The following KLHL3 variants were observed in gnomAD, a reference collection of about 807,000 sequenced individuals.
The protein encoded by KLHL3 is kelch-like protein 3.
KLHL3 carries 19 observed loss-of-function variants against 70.5 expected under a neutral mutation model. That is an observed-to-expected ratio of 0.27 (90% confidence interval 0.19 to 0.40). KLHL3 has a LOEUF of 0.40. KLHL3 is among the 10% of genes least tolerant of loss of function. KLHL3 has a pLI of 1.00. For missense variants in KLHL3, 512 were observed against 771.1 expected (o/e 0.66, Z 3.98); for synonymous variants, 258 against 290.3 (o/e 0.89, Z 1.13).
intron 5 of KLHL3, among the ~76,000 whole-genome samples, chr5:137,679,883 A>G (rs892526673): frequency 6.6e-6 from 1 of 152,254 alleles, no homozygotes; most frequent in Admixed American, 6.5e-5. Context: ...GCTGGCACCC[A>G]GGGATCTGTG....
intron 4 of KLHL3, among the ~76,000 whole-genome samples, chr5:137,693,260 A>T (rs900178796): frequency 2.0e-5 from 3 of 152,226 alleles, no homozygotes. Flanking sequence ...GATACAAAGC[A>T]AAGAACATCT....
chr5:137,674,507 C>G (rs1316557959), intron 6 of KLHL3, among the ~76,000 whole-genome samples: 1 of 152,180 alleles, frequency 6.6e-6, no homozygotes, highest in Non-Finnish European at 1.5e-5. Context: ...TACATTTCCT[C>G]TATTTTAAGG....
intron 2 of KLHL3, among the ~76,000 whole-genome samples, chr5:137,717,989 C>T (rs1405206593): frequency 6.6e-6 from 1 of 152,288 alleles, no homozygotes; most frequent in East Asian, 1.9e-4. Context: ...CCACCAAAGG[C>T]GGCTCTATAG....
chr5:137,703,889 T>A (rs1418804257), intron 3 of KLHL3, among the ~76,000 whole-genome samples: 19 of 145,012 alleles, frequency 1.3e-4, no homozygotes, highest in Non-Finnish European at 2.6e-4. Context: ...AAAAAAAAAA[T>A]CAACCCTAAT....
chr5:137,642,233 GTTTTA>G (rs1750929410), intron 8 of KLHL3, among the ~76,000 whole-genome samples: 1 of 152,206 alleles, frequency 6.6e-6, no homozygotes, highest in African/African-American at 2.4e-5. Flanking sequence ...AATAAAAGCA[GTTTTA>G]AGTTTTCTTT....
At chr5:137,680,554 T>C (rs1479859336) in intron 5 of KLHL3, among the ~76,000 whole-genome samples, 2 of 151,982 alleles carry the variant, frequency 1.3e-5, no homozygotes, top group Non-Finnish European at 2.9e-5. Context: ...TTCTTTTTTT[T>C]TTTTTTTGAG....
intron 5 of KLHL3, among the ~76,000 whole-genome samples, chr5:137,682,144 CT>C (rs1752043167): frequency 6.6e-6 from 1 of 151,780 alleles, no homozygotes; most frequent in African/African-American, 2.4e-5. Flanking sequence ...CGCAAAAGCC[CT>C]ACTAAAGTGA....
chr5:137,735,131 C>T (rs1011090352), intron 1 of KLHL3, among the ~76,000 whole-genome samples: 2 of 152,190 alleles, frequency 1.3e-5, no homozygotes, highest in African/African-American at 2.4e-5. Flanking sequence ...GCATACACGG[C>T]GTGCACGCGC....
At chr5:137,711,677 T>C (rs1561616642) in intron 2 of KLHL3, among the ~76,000 whole-genome samples, 1 of 152,196 alleles carries the variant, frequency 6.6e-6, no homozygotes. Context: ...TAACTGGCTA[T>C]GAGACCATGG....
At position 137,620,450 on chromosome 5, in the gene KLHL3, T is replaced by A. The variant is rs972265571; in HGVS notation, c.*1648A>T. On this transcript the variant is annotated 3_prime_UTR_variant, in exon 15 of 15. Transcript: ENST00000309755. ...CCTGCTTGGAAGTAGCCCAGTCGTA[T>A]CAGAAGTCCAACATCAGGATTTATA... 1 of 152,030 alleles carries A rather than the reference T, an allele frequency of 6.6e-6. No homozygotes were observed. Among genetic ancestry groups the A allele is most frequent in the East Asian group, 2.0e-4 (1 of 5,058 alleles). 9.4% of individuals were successfully genotyped at this position (152,030 alleles called of 1,614,324 possible). A position where few individuals can be genotyped will look rare whatever the true frequency, so the allele number is the denominator to read the frequency against.
At chr5:137,703,579 C>T (rs1208710818) in intron 3 of KLHL3, among the ~76,000 whole-genome samples, 1 of 152,178 alleles carries the variant, frequency 6.6e-6, no homozygotes, top group East Asian at 1.9e-4. Context: ...GTCTGTATTC[C>T]TAAGTGCCAC....
At position 137,637,276 on chromosome 5, in the gene KLHL3, C is replaced by T; in HGVS notation, c.1321+18G>A. 6.2e-7 allele frequency: 1 copy of T among 1,609,824 alleles called. No homozygotes were observed. ...TGGGCCAGGTAGGCCTGGCCACTGG[C>T]CACTGCCGCCTCCTTACCCTCCACA... is the stretch of plus-strand genomic sequence containing the variant. On this transcript the variant is annotated intron_variant, in intron 11 of 14. Transcript: ENST00000309755.
At position 137,692,305 on chromosome 5, in the gene KLHL3, T is replaced by C; in HGVS notation, c.506A>G (p.Gln169Arg). Reference sequence around the variant, plus strand: ...CTTACCTGCGTAGGCATTGGCCTGCTGCAGAAGGTCAGTGCAGGTGTGTAC... The same window carrying C: ...CTTACCTGCGTAGGCATTGGCCTGCCGCAGAAGGTCAGTGCAGGTGTGTAC... ...ADVHTCTDLLQQANAYAEQHF... is the reference protein window; with the variant it reads ...ADVHTCTDLLRQANAYAEQHF... Residue 169 changes from glutamine to arginine, a missense_variant, in exon 5 of 15, where the codon CAG (glutamine) becomes CGG (arginine). Coordinates refer to ENST00000309755, the MANE Select transcript of KLHL3 (RefSeq NM_017415.3). 1 of 1,612,838 alleles carries C rather than the reference T, an allele frequency of 6.2e-7. No individual in the cohort carries two copies. The highest frequency in any genetic ancestry group is 1.1e-5 in the South Asian group (1 of 90,910).
chr5:137,710,947 G>A (rs1279674467), intron 2 of KLHL3, among the ~76,000 whole-genome samples: 1 of 152,202 alleles, frequency 6.6e-6, no homozygotes, highest in Non-Finnish European at 1.5e-5. Flanking sequence ...CTGAAGCCCA[G>A]AACCCATGCT....
At position 137,714,293 on chromosome 5, in the gene KLHL3, TAAA is replaced by T. The variant is rs1752853351; in HGVS notation, c.135-4440_135-4438del. On this transcript the variant is annotated intron_variant, in intron 2 of 14. Coordinates refer to ENST00000309755, the MANE Select transcript of KLHL3 (RefSeq NM_017415.3). ...ACAGTTTGGCAGTTCCTCCAAAGAT[TAAA>T]GTTGCCATATGACCCAATAATCCCA... 2.0e-5 allele frequency among the ~76,000 whole-genome samples: 3 copies of T among 152,072 alleles called. No individual in the cohort carries two copies. The South Asian group carries it at 6.2e-4, about 31-fold the overall frequency.
At chr5:137,669,696 T>C (rs1751703855) in intron 6 of KLHL3, among the ~76,000 whole-genome samples, 1 of 152,246 alleles carries the variant, frequency 6.6e-6, no homozygotes, top group East Asian at 1.9e-4. Flanking sequence ...GGATGGAGAA[T>C]GTCTGCCAGT....
chr5:137,715,737 T>A (rs1051483859), intron 2 of KLHL3, among the ~76,000 whole-genome samples: 1 of 152,216 alleles, frequency 6.6e-6, no homozygotes, highest in Non-Finnish European at 1.5e-5. Flanking sequence ...ATAGTTATTA[T>A]TATTATTCTA....
At chr5:137,627,302 T>C (rs1750492504) in intron 13 of KLHL3, among the ~76,000 whole-genome samples, 1 of 152,132 alleles carries the variant, frequency 6.6e-6, no homozygotes, top group African/African-American at 2.4e-5. Context: ...TATTAAAAAA[T>C]AGAAATATCT....
intron 6 of KLHL3, among the ~76,000 whole-genome samples, chr5:137,665,614 AAG>A (rs2149900157): frequency 6.6e-6 from 1 of 152,348 alleles, no homozygotes; most frequent in Non-Finnish European, 1.5e-5. Flanking sequence ...TAAGCAGTGT[AAG>A]AGAGAAGAAA....
Sources: gnomAD v4.1 joint callset for allele counts (sites outside exome capture counted in the v4.1 genomes callset) on GRCh38, gnomAD v4.1.1 for gene constraint, MANE v1.5 for transcripts, NCBI Gene and HGNC (gene_info 2026-07-23, HGNC 2026-07-21) for gene names.